The following GLT1D1 variants were observed in gnomAD, a reference collection of about 807,000 sequenced individuals.
GLT1D1 encodes the protein glycosyltransferase 1 domain containing 1, also known as glycosyltransferase 1 domain-containing protein 1.
In GLT1D1, 21 loss-of-function variants were observed where a neutral mutation model predicts 28.7. The observed-to-expected ratio is 0.73, with a 90% CI of 0.52 to 1.05. GLT1D1 has a LOEUF of 1.05. Among genes scored for constraint, GLT1D1 ranks in the 50% least tolerant of loss-of-function variants. The pLI is 0.00. For synonymous variants in GLT1D1, 147 were observed against 124.8 expected, an observed-to-expected ratio of 1.18 and a Z score of -1.19; for missense variants, 343 against 330.6, an observed-to-expected ratio of 1.04 and a Z score of -0.29.
At chr12:128,941,759 G>A (rs1286332392) in intron 4 of GLT1D1, among the ~76,000 whole-genome samples, 3 of 151,408 alleles carry the variant, frequency 2.0e-5, no homozygotes, top group Non-Finnish European at 1.5e-5. Context: ...TGTGTTTTTA[G>A]TAGAGACAGG....
intron 4 of GLT1D1, among the ~76,000 whole-genome samples, chr12:128,938,284 G>A (rs979985642): frequency 7.2e-5 from 11 of 152,194 alleles, no homozygotes; most frequent in African/African-American, 2.7e-4. Flanking sequence ...AGAGTAGGTG[G>A]CCGAGAAGTA....
At chr12:128,907,574 G>A (rs1173279281) in intron 4 of GLT1D1, among the ~76,000 whole-genome samples, 1 of 152,102 alleles carries the variant, frequency 6.6e-6, no homozygotes, top group East Asian at 1.9e-4. Context: ...CAAAGTGCTG[G>A]GATTACAGGC....
chr12:128,926,192 T>TTAA (rs1566139008), intron 4 of GLT1D1, among the ~76,000 whole-genome samples, 167 bp from the exon 7 acceptor site: 3 of 90,046 alleles, frequency 3.3e-5, no homozygotes, highest in African/African-American at 1.3e-4. Context: ...AGACTCTGTC[T>TTAA]CAATAATAAT....
chr12:128,981,333 G>A (rs564856548), intron 7 of GLT1D1, among the ~76,000 whole-genome samples: 1 of 152,338 alleles, frequency 6.6e-6, no homozygotes, highest in East Asian at 1.9e-4. Flanking sequence ...ATAGTAAGCA[G>A]AGCGGGGAAG....
intron 4 of GLT1D1, among the ~76,000 whole-genome samples, chr12:128,932,276 C>T (rs759171905): frequency 8.5e-5 from 13 of 152,242 alleles, no homozygotes; most frequent in Admixed American, 3.3e-4. Context: ...AAGTACGGGT[C>T]CCAGATGAGT....
At chr12:128,934,781 C>T (rs1010544930) in intron 4 of GLT1D1, among the ~76,000 whole-genome samples, 6 of 152,204 alleles carry the variant, frequency 3.9e-5, no homozygotes, top group Non-Finnish European at 5.9e-5. Flanking sequence ...GATGTCGCGT[C>T]AAGAAGCCCT....
intron 4 of GLT1D1, chr12:128,944,325 A>T: frequency 1.4e-6 from 1 of 709,340 alleles, no homozygotes; most frequent in South Asian, 1.4e-5. Flanking sequence ...GGAGGAAAGC[A>T]TATCCACAGG....
chr12:128,874,623 AG>A (rs1956829770), intron 1 of GLT1D1, among the ~76,000 whole-genome samples: 1 of 151,856 alleles, frequency 6.6e-6, no homozygotes, highest in Non-Finnish European at 1.5e-5. Flanking sequence ...CTAGGACTAC[AG>A]GTATGTGTCA....
chr12:128,884,921 T>C (rs1957142743), intron 2 of GLT1D1, among the ~76,000 whole-genome samples: 1 of 151,708 alleles, frequency 6.6e-6, no homozygotes, highest in Non-Finnish European at 1.5e-5. Flanking sequence ...AGCTTGATTT[T>C]TTTTTTTTTT....
intron 7 of GLT1D1, among the ~76,000 whole-genome samples, chr12:128,975,537 A>C (rs1398449233): frequency 6.6e-6 from 1 of 151,986 alleles, no homozygotes; most frequent in Non-Finnish European, 1.5e-5. Flanking sequence ...TGCAACCTCC[A>C]GGTCCCTGGT....
At chr12:128,969,303 C>G (rs1053000251) in intron 7 of GLT1D1, among the ~76,000 whole-genome samples, 2 of 152,084 alleles carry the variant, frequency 1.3e-5, no homozygotes, top group African/African-American at 4.8e-5. Flanking sequence ...CTCCCTGTCT[C>G]CCTCCCTCCC....
At chr12:128,981,437 A>G (rs941486619) in intron 7 of GLT1D1, among the ~76,000 whole-genome samples, 7 of 152,178 alleles carry the variant, frequency 4.6e-5, no homozygotes, top group Non-Finnish European at 1.0e-4. Context: ...AAGCATCTCA[A>G]ATGATTTTAA....
intron 1 of GLT1D1, among the ~76,000 whole-genome samples, chr12:128,863,523 C>A (rs1412906459): frequency 6.6e-6 from 1 of 152,014 alleles, no homozygotes; most frequent in East Asian, 1.9e-4. Flanking sequence ...CAGGCATGTG[C>A]CACCGCACCC....
At chr12:128,974,332 A>G (rs1446780832) in intron 7 of GLT1D1, among the ~76,000 whole-genome samples, 1 of 151,994 alleles carries the variant, frequency 6.6e-6, no homozygotes, top group Non-Finnish European at 1.5e-5. Flanking sequence ...CTCCTACCCC[A>G]GCCACAGCAA....
intron 4 of GLT1D1, among the ~76,000 whole-genome samples, chr12:128,918,340 C>T (rs1872316332): frequency 6.6e-6 from 1 of 152,086 alleles, no homozygotes; most frequent in South Asian, 2.1e-4. Context: ...ATCAGGAGAG[C>T]ATCAGGAAAA....
chr12:128,919,977 CTCTCTCTCTCTCTCCCCCT>C (rs1872505635), intron 4 of GLT1D1, among the ~76,000 whole-genome samples: 4 of 2,930 alleles, frequency 1.4e-3, no homozygotes, highest in Non-Finnish European at 4.3e-3. Context: ...CTCTCTCTCT[CTCTCTCTCTCTCTCCCCCT>C]CCATCTCTCT....
chr12:128,945,500 C>G, intron 5 of GLT1D1, 131 bp downstream of exon 9: 1 of 780,498 alleles, frequency 1.3e-6, no homozygotes, highest in Non-Finnish European at 2.3e-6. Context: ...CATGCATCTT[C>G]CCGGCGAGCC....
chr12:128,913,103 C>T (rs192586752), intron 4 of GLT1D1, among the ~76,000 whole-genome samples: 6 of 152,272 alleles, frequency 3.9e-5, no homozygotes, highest in Admixed American at 2.6e-4. Context: ...TTTCAGCTGA[C>T]TTGAGTTGGG....
In GLT1D1 at chr12:128,941,570, T is replaced by TC. The variant is rs35348371; in HGVS notation, c.376-3756_376-3755insC. ...TCTCTTCTTTCTCTCTCTCTTTCTC[T>TC]TTTTTTTTTTTTTTTTTTTTGAGAC... On this transcript the variant is annotated intron_variant, in intron 4 of 7. Transcript: ENST00000281703. Among the ~76,000 whole-genome samples, 9 of 46,268 alleles carry TC rather than the reference T, an allele frequency of 1.9e-4. No homozygotes were observed. The African/African-American group carries it at 2.3e-3, about 12-fold the overall frequency. 30.4% of individuals were successfully genotyped at this position (46,268 alleles called of 152,430 possible). A position where few individuals can be genotyped will look rare whatever the true frequency, so the allele number is the denominator to read the frequency against.
Sources: allele counts gnomAD v4.1 joint callset (sites outside exome capture counted in the v4.1 genomes callset), GRCh38; gene constraint gnomAD v4.1.1; transcripts MANE v1.5; gene names NCBI Gene and HGNC (gene_info 2026-07-23, HGNC 2026-07-21).